The following ATP10A variants were observed in gnomAD, a reference collection of about 807,000 sequenced individuals.
ATP10A encodes phospholipid-transporting ATPase VA.
In ATP10A, 111 loss-of-function variants were observed where a neutral mutation model predicts 147.8. The ratio of observed to expected loss-of-function variants is 0.75; its 90% confidence interval spans 0.64 to 0.88. The LOEUF (loss-of-function observed/expected upper bound fraction) is 0.88. Ranked by LOEUF, ATP10A falls within the 40% of genes least tolerant of loss-of-function variation. The probability of loss-of-function intolerance (pLI) is 0.00; values close to 1 mark genes in which losing one functional copy is unlikely to be tolerated. For synonymous variants in ATP10A, 875 were observed against 841.6 expected (o/e 1.04, Z -0.69); for missense variants, 1,927 against 1,959.0 (o/e 0.98, Z 0.31).
chr15:25,793,596 T>C (rs1002849881), intron 1 of ATP10A, among the ~76,000 whole-genome samples: 1 of 152,204 alleles, frequency 6.6e-6, no homozygotes, highest in Non-Finnish European at 1.5e-5. Flanking sequence ...CAAACCCTCT[T>C]CCGCTCCCTG....
Position 25,679,520 on chromosome 15 carries a change from T to C in ATP10A, c.4321A>G (p.Ile1441Val). The change falls in exon 21 of 21, where the codon ATT (isoleucine) becomes GTT (valine). Residue 1441 changes from isoleucine (I) to valine (V), a missense_variant. Coordinates refer to ENST00000555815, the MANE Select transcript of ATP10A (RefSeq NM_024490.4). Reference sequence around the variant, plus strand: ...CTGCTGACCAGCGACCAGGAGGAAATCCAGTTGAGTAAGCTGAAGGTAGGC... The same window carrying C: ...CTGCTGACCAGCGACCAGGAGGAAACCCAGTTGAGTAAGCTGAAGGTAGGC... ...SLPTFSLLNWISSWSLVSRLG... is the reference protein window; with the variant it reads ...SLPTFSLLNWVSSWSLVSRLG... 6.2e-7 allele frequency: 1 copy of C among 1,613,422 alleles called. No individual in the cohort carries two copies.
At chr15:25,740,306 G>A (rs1887517429) in intron 2 of ATP10A, among the ~76,000 whole-genome samples, 1 of 152,184 alleles carries the variant, frequency 6.6e-6, no homozygotes, top group South Asian at 2.1e-4. Context: ...TCAGCCATTG[G>A]GTGAGCACAC....
At position 25,718,276 on chromosome 15, in the gene ATP10A, G is replaced by T. The variant is rs757066746; in HGVS notation, c.1487C>A (p.Thr496Asn). ...GCGCCGGTGGGACTTGGTGCTCTGG[G>T]TTCTGTGCACCACCCGGACACTCTG... Reference protein sequence around the residue: ...SHQSVRVVHRTQSTKSHRRTG... With the variant: ...SHQSVRVVHRNQSTKSHRRTG... The change falls in exon 8 of 21, where the codon ACC becomes AAC. Residue 496 changes from threonine (T) to asparagine (N), a missense_variant. Thr to Asn is a moderately conservative substitution (Grantham distance 65, BLOSUM62 0). Transcript: ENST00000555815. The T allele has an allele frequency of 5.6e-6, 9 of 1,612,526 alleles. No homozygotes were observed. Among genetic ancestry groups the T allele is most frequent in the Non-Finnish European group, 7.6e-6 (9 of 1,179,978 alleles).
chr15:25,727,351 C>T, intron 3 of ATP10A, 85 bp from the exon 4 acceptor site: 1 of 1,219,230 alleles, frequency 8.2e-7, no homozygotes, highest in Admixed American at 1.7e-5. Context: ...GAAGGAAGGC[C>T]CTGACACAAT....
chr15:25,818,056 T>C (rs1281267124), intron 1 of ATP10A, among the ~76,000 whole-genome samples: 1 of 152,060 alleles, frequency 6.6e-6, no homozygotes, highest in East Asian at 1.9e-4. Context: ...CACTGCTAAA[T>C]TTTACTAGCT....
intron 1 of ATP10A, among the ~76,000 whole-genome samples, chr15:25,850,068 G>A (rs538576480): frequency 1.3e-5 from 2 of 152,256 alleles, no homozygotes; most frequent in East Asian, 3.9e-4. Flanking sequence ...AAATCACGCA[G>A]GTCGATAAGA....
At position 25,740,706 on chromosome 15, in the gene ATP10A, C is replaced by T. The variant is rs117932710; in HGVS notation, c.655-4565G>A. ...TCAGTGACAAACACAACACCTCTGTCTACCTGGCTTTGGTCTCGCCACCTG... is the reference window on the plus strand; with the variant it reads ...TCAGTGACAAACACAACACCTCTGTTTACCTGGCTTTGGTCTCGCCACCTG... On this transcript the variant is annotated intron_variant, in intron 2 of 20. Transcript: ENST00000555815. Among the ~76,000 whole-genome samples the T allele has an allele frequency of 1.1e-4, 17 of 152,366 alleles. No individual in the cohort carries two copies. The East Asian group carries it at 3.3e-3, about 29-fold the overall frequency.
chr15:25,786,482 G>C (rs553166293), intron 1 of ATP10A, among the ~76,000 whole-genome samples: 1 of 150,302 alleles, frequency 6.7e-6, no homozygotes, highest in Non-Finnish European at 1.5e-5. Context: ...TCTTTTGAAC[G>C]ACAGAACTGT....
intron 1 of ATP10A, among the ~76,000 whole-genome samples, chr15:25,850,055 A>T (rs1322151487): frequency 6.6e-6 from 1 of 152,228 alleles, no homozygotes; most frequent in Non-Finnish European, 1.5e-5. Flanking sequence ...ACTAAATATA[A>T]TTAAATCACG....
At chr15:25,827,504 A>G (rs1020855527) in intron 1 of ATP10A, among the ~76,000 whole-genome samples, 3 of 152,218 alleles carry the variant, frequency 2.0e-5, no homozygotes, top group Non-Finnish European at 4.4e-5. Context: ...ACACCAGCAC[A>G]GTGGAGGGAG....
chr15:25,787,327 G>A (rs4906773), intron 1 of ATP10A, among the ~76,000 whole-genome samples: 64,251 of 151,724 alleles, frequency 0.42, 13,685 homozygotes, highest in East Asian at 0.6. Flanking sequence ...TTGAGAAACG[G>A]TGGAGGCCAG....
At chr15:25,770,085 C>T (rs1009930570) in intron 2 of ATP10A, among the ~76,000 whole-genome samples, 1 of 152,188 alleles carries the variant, frequency 6.6e-6, no homozygotes, top group African/African-American at 2.4e-5. Context: ...TTTAAGCCGC[C>T]CAATTCATGG....
In ATP10A at chr15:25,718,403, C is replaced by T. The variant is rs750275239; in HGVS notation, c.1364-4G>A. On this transcript the variant is annotated splice_region_variant and splice_polypyrimidine_tract_variant and intron_variant, in intron 7 of 20. Coordinates refer to ENST00000555815, the MANE Select transcript of ATP10A (RefSeq NM_024490.4). ...TGGTACCTGGCCAGACGCTGCGCTG[C>T]GGGGAGAGGGCGCAGGGTGAGGCAT... 8.8e-6 allele frequency: 14 copies of T among 1,587,376 alleles called. No homozygotes were observed. The highest frequency in any genetic ancestry group is 1.2e-5 in the Non-Finnish European group (14 of 1,170,480).
downstream of ATP10A, among the ~76,000 whole-genome samples, chr15:25,673,160 G>C (rs1249676569): frequency 2.0e-5 from 3 of 152,156 alleles, no homozygotes; most frequent in Admixed American, 1.3e-4. Flanking sequence ...GGATGAACTG[G>C]AATCTCATTC....
At chr15:25,696,007 CCT>C (rs1229947897) in intron 13 of ATP10A, among the ~76,000 whole-genome samples, 2 of 151,858 alleles carry the variant, frequency 1.3e-5, no homozygotes, top group African/African-American at 4.8e-5. Flanking sequence ...AGGAGGAAAA[CCT>C]ACGGTGGTAG....
intron 1 of ATP10A, among the ~76,000 whole-genome samples, chr15:25,815,590 A>C (rs1287477731): frequency 4.1e-4 from 4 of 9,772 alleles, no homozygotes; most frequent in Non-Finnish European, 5.8e-4. Context: ...AAGAGCAAAG[A>C]AACTTAAGAG....
intron 1 of ATP10A, among the ~76,000 whole-genome samples, chr15:25,838,462 C>A (rs949657619): frequency 2.0e-5 from 3 of 152,144 alleles, no homozygotes; most frequent in Non-Finnish European, 4.4e-5. Flanking sequence ...CAAAGCCACC[C>A]TTGGCAACCT....
chr15:25,812,369 CAG>C (rs1452850959), intron 1 of ATP10A, among the ~76,000 whole-genome samples: 1 of 152,204 alleles, frequency 6.6e-6, no homozygotes, highest in East Asian at 1.9e-4. Context: ...CTTTGTAACA[CAG>C]AGTGTTATGT....
At chr15:25,726,925 C>T (rs1387238876) in intron 4 of ATP10A, among the ~76,000 whole-genome samples, 48 of 148,504 alleles carry the variant, frequency 3.2e-4, no homozygotes, top group South Asian at 2.3e-3. Context: ...CCGGGCGTGG[C>T]GGGCGCCTGT....
Sources: allele counts gnomAD v4.1 joint callset (sites outside exome capture counted in the v4.1 genomes callset), GRCh38; gene constraint gnomAD v4.1.1; transcripts MANE v1.5; gene names NCBI Gene and HGNC (gene_info 2026-07-23, HGNC 2026-07-21).